The following PCDHGA11 variants were observed in gnomAD, a reference collection of about 807,000 sequenced individuals.
PCDHGA11 encodes protocadherin gamma subfamily A, 11.
In PCDHGA11, 39 loss-of-function variants were observed where a neutral mutation model predicts 60.4. The ratio of observed to expected loss-of-function variants is 0.65; its 90% CI spans 0.50 to 0.84. PCDHGA11 has a LOEUF of 0.84. Ranked by LOEUF, PCDHGA11 falls within the 40% of genes least tolerant of loss-of-function variation. PCDHGA11 has a pLI of 0.00. For synonymous variants in PCDHGA11, 533 were observed against 510.3 expected, an observed-to-expected ratio of 1.04 and a Z score of -0.60; for missense variants, 1,165 against 1,197.7, an observed-to-expected ratio of 0.97 and a Z score of 0.40.
rs1240258760 is a variant in PCDHGA11 at position 141,423,933 on chromosome 5, GAAGT to G, written c.2433+278_2433+281del. On this transcript the variant is annotated intron_variant, in intron 1 of 3. Coordinates refer to ENST00000398587, the MANE Select transcript of PCDHGA11 (RefSeq NM_018914.3). The stretch of plus-strand genomic sequence containing the variant: ...CCATTCAACTATGCTGGTTTGGTTT[GAAGT>G]AAGTTGAATTTTAGTATTATTTTTC... 5 of 1,226,500 alleles carry G rather than the reference GAAGT, an allele frequency of 4.1e-6. No homozygotes were observed. The African/African-American group carries it at 7.9e-5, about 19-fold the overall frequency. The allele number at this position is 1,226,500 out of a possible 1,614,324, so 76.0% of individuals were successfully genotyped here. A position where few individuals can be genotyped will look rare whatever the true frequency, so the allele number is the denominator to read the frequency against.
At chr5:141,433,641 G>C (rs1177387884) in intron 1 of PCDHGA11, among the ~76,000 whole-genome samples, 1 of 152,104 alleles carries the variant, frequency 6.6e-6, no homozygotes, top group Admixed American at 6.5e-5. Flanking sequence ...TTTGAGACCA[G>C]CCTGACCAAC....
Position 141,422,451 on chromosome 5 carries a change from C to A in PCDHGA11, c.1224C>A (p.Ser408Arg). ...TYGNYYKLIT[S>R]RVLDRELVQS... Reference sequence around the variant, plus strand: ...GAAATTATTACAAATTGATAACAAGCAGAGTGCTGGACAGGGAGTTGGTCC... The same window carrying A: ...GAAATTATTACAAATTGATAACAAGAAGAGTGCTGGACAGGGAGTTGGTCC... The change falls in exon 1 of 4, where the codon AGC becomes AGA. Residue 408 changes from serine (S) to arginine (R), a missense_variant. By Grantham distance (110) the Ser-to-Arg change is moderately radical (BLOSUM62 -1). Coordinates refer to ENST00000398587, the MANE Select transcript of PCDHGA11 (RefSeq NM_018914.3). 6.2e-7 allele frequency: 1 copy of A among 1,611,518 alleles called. No individual in the cohort carries two copies. Among genetic ancestry groups the A allele is most frequent in the East Asian group, 2.2e-5 (1 of 44,872 alleles).
At chr5:141,430,811 A>T in intron 1 of PCDHGA11, 1 of 1,527,400 alleles carries the variant, frequency 6.5e-7, no homozygotes, top group Non-Finnish European at 8.8e-7. Context: ...CCTGCTGGGA[A>T]TCCTCCTGGG....
intron 1 of PCDHGA11, among the ~76,000 whole-genome samples, chr5:141,444,014 T>C (rs2098414038): frequency 6.6e-6 from 1 of 152,122 alleles, no homozygotes; most frequent in Admixed American, 6.6e-5. Flanking sequence ...GGGTATTGGC[T>C]TCTAAAAGGA....
Position 141,489,169 on chromosome 5 carries a change from C to T in PCDHGA11, c.2434-5638C>T. On this transcript the variant is annotated intron_variant, in intron 1 of 3. Coordinates refer to ENST00000398587, the MANE Select transcript of PCDHGA11 (RefSeq NM_018914.3). This position sits in a 1 kb window ranked among gnomAD's most constrained non-coding sequence, Gnocchi z 4.5. ...GAGACATAAGAGACTTCAGCTGCTG[C>T]ATTCCAAGCCCTGGGTCTACCTTGG... 3 of 1,124,648 alleles carry T rather than the reference C, an allele frequency of 2.7e-6. No individual in the cohort carries two copies. The highest frequency in any genetic ancestry group is 3.8e-6 in the Non-Finnish European group (3 of 783,910). The allele number at this position is 1,124,648 out of a possible 1,614,324, so 69.7% of individuals were successfully genotyped here. A position where few individuals can be genotyped will look rare whatever the true frequency, so the allele number is the denominator to read the frequency against.
chr5:141,433,259 T>C (rs776486704), intron 1 of PCDHGA11: 3 of 1,380,658 alleles, frequency 2.2e-6, no homozygotes, highest in Non-Finnish European at 3.0e-6. Flanking sequence ...AGCGGTACGA[T>C]CATAGCTCAC....
At chr5:141,458,727 A>G (rs1424554234) in intron 1 of PCDHGA11, among the ~76,000 whole-genome samples, 1 of 151,570 alleles carries the variant, frequency 6.6e-6, no homozygotes, top group East Asian at 1.9e-4. Flanking sequence ...TCGCCACCAC[A>G]TCCAGCTATT....
intron 1 of PCDHGA11, among the ~76,000 whole-genome samples, chr5:141,465,263 T>C (rs538393085): frequency 1.3e-5 from 2 of 152,326 alleles, no homozygotes; most frequent in African/African-American, 4.8e-5. Flanking sequence ...GCAATGATAC[T>C]AGCCATTTAG....
At position 141,422,401 on chromosome 5, in the gene PCDHGA11, C is replaced by G; in HGVS notation, c.1174C>G (p.Pro392Ala). Residue 392 changes from proline to alanine, a missense_variant, in exon 1 of 4, where the codon CCT becomes GCT. Pro to Ala is a conservative substitution (Grantham distance 27, BLOSUM62 -1). Transcript: ENST00000398587. ...QVSCFIPNHLPFKLEKTYGNY... is the reference protein window; with the variant it reads ...QVSCFIPNHLAFKLEKTYGNY... Reference sequence around the variant, plus strand: ...CTCCTGTTTTATTCCTAACCACCTGCCTTTTAAATTAGAAAAGACTTATGG... The same window carrying G: ...CTCCTGTTTTATTCCTAACCACCTGGCTTTTAAATTAGAAAAGACTTATGG... The G allele has an allele frequency of 6.3e-7, 1 of 1,598,896 alleles. No homozygotes were observed. Among genetic ancestry groups the G allele is most frequent in the Non-Finnish European group, 8.5e-7 (1 of 1,174,596 alleles).
chr5:141,433,564 G>A (rs1380905062), intron 1 of PCDHGA11, among the ~76,000 whole-genome samples: 1 of 152,042 alleles, frequency 6.6e-6, no homozygotes, highest in Non-Finnish European at 1.5e-5. Flanking sequence ...GGCTGGGCGC[G>A]GTGGCTCACG....
At chr5:141,482,382 T>C (rs935517099) in intron 1 of PCDHGA11, among the ~76,000 whole-genome samples, 1 of 152,146 alleles carries the variant, frequency 6.6e-6, no homozygotes, top group Admixed American at 6.6e-5. Context: ...ATAAAGTCCC[T>C]GTATGGAGCA....
chr5:141,423,450 T>G lies in PCDHGA11; in HGVS notation c.2223T>G (p.Phe741Leu), dbSNP rs571358720. The G allele has an allele frequency of 1.2e-6, 2 of 1,614,050 alleles. No homozygotes were observed. Among genetic ancestry groups the G allele is most frequent in the East Asian group, 4.5e-5 (2 of 44,886 alleles). The part of the protein sequence containing the change: ...GGLAGMPTSH[F>L]VGVDGVQAFL... ...TGGCAGGTATGCCCACGTCACATTT[T>G]GTAGGCGTGGACGGGGTACAGGCTT... Residue 741 changes from phenylalanine (F) to leucine (L), a missense_variant, in exon 1 of 4, where the codon TTT (phenylalanine) becomes TTG (leucine). Coordinates refer to ENST00000398587, the MANE Select transcript of PCDHGA11 (RefSeq NM_018914.3).
At position 141,423,241 on chromosome 5, in the gene PCDHGA11, G is replaced by C; in HGVS notation, c.2014G>C (p.Val672Leu). The change falls in exon 1 of 4, where the codon GTC becomes CTC. Residue 672 changes from valine to leucine, a missense_variant. Val to Leu is a conservative substitution (Grantham distance 32, BLOSUM62 1). Coordinates refer to ENST00000398587, the MANE Select transcript of PCDHGA11 (RefSeq NM_018914.3). ...TVAVADSIPE[V>L]LADLGSLESL... is the part of the protein sequence containing the mutation. ...GGCTGTGGCCGACAGCATCCCCGAA[G>C]TCCTGGCGGACCTCGGCAGCCTCGA... The C allele has an allele frequency of 6.2e-7, 1 of 1,613,954 alleles. No individual in the cohort carries two copies. The highest frequency in any genetic ancestry group is 8.5e-7 in the Non-Finnish European group (1 of 1,180,016).
chr5:141,482,981 A>C (rs1377809325), intron 1 of PCDHGA11, among the ~76,000 whole-genome samples: 1 of 150,250 alleles, frequency 6.7e-6, no homozygotes, highest in Non-Finnish European at 1.5e-5. Context: ...GCTACTTGAG[A>C]GGTCGAGGCA....
At chr5:141,508,483 G>T (rs1186425031) in intron 3 of PCDHGA11, among the ~76,000 whole-genome samples, 2 of 152,154 alleles carry the variant, frequency 1.3e-5, no homozygotes, top group East Asian at 3.9e-4. Context: ...TTACATTCTG[G>T]ATTTCCATAT....
rs759737266 is a variant in PCDHGA11 at position 141,489,464 on chromosome 5, T to A, written c.2434-5343T>A. 5 of 1,614,030 alleles carry A rather than the reference T, an allele frequency of 3.1e-6. No homozygotes were observed. In the South Asian group the frequency reaches 3.3e-5, roughly 11 times the overall value. On this transcript the variant is annotated intron_variant, in intron 1 of 3. Transcript: ENST00000398587. The surrounding 1 kb of genome is among the most constrained non-coding windows in gnomAD (Gnocchi z 4.5). ...GGCTCTGAGGAGAATGGGCGCTATT[T>A]TTCCCTGAGCTTGATGAGTGGTGCC...
intron 1 of PCDHGA11, among the ~76,000 whole-genome samples, chr5:141,469,808 A>C (rs1253675252): frequency 2.0e-5 from 3 of 152,174 alleles, no homozygotes; most frequent in Admixed American, 6.5e-5. Flanking sequence ...AAAACATTGT[A>C]GATAGAATGG....
At chr5:141,479,877 T>C (rs967661238) in intron 1 of PCDHGA11, among the ~76,000 whole-genome samples, 2 of 152,188 alleles carry the variant, frequency 1.3e-5, no homozygotes, top group African/African-American at 4.8e-5. Flanking sequence ...GAGAACCCTA[T>C]ACATACTCTC....
Position 141,476,646 on chromosome 5 carries a change from A to G in PCDHGA11, c.2434-18161A>G, listed in dbSNP as rs771366262. 1.9e-6 allele frequency: 3 copies of G among 1,614,132 alleles called. No homozygotes were observed. The highest frequency in any genetic ancestry group is 1.7e-5 in the Admixed American group (1 of 60,010). ...TTACAAACCTATGAGCTGAGCCGAA[A>G]TGAATACTTTGCGCTTCGCGTGCAG... On this transcript the variant is annotated intron_variant, in intron 1 of 3. Transcript: ENST00000398587. This position sits in a 1 kb window ranked among gnomAD's most constrained non-coding sequence, Gnocchi z 7.6.
Sources: allele counts gnomAD v4.1 joint callset (sites outside exome capture counted in the v4.1 genomes callset), GRCh38; gene constraint gnomAD v4.1.1; non-coding constraint Gnocchi (gnomAD v3.1); transcripts MANE v1.5; gene names NCBI Gene and HGNC (gene_info 2026-07-23, HGNC 2026-07-21).